Variants in GRIA4 observed in about 807,000 individuals in gnomAD.
GRIA4 encodes glutamate receptor 4.
Under a neutral mutation model 104.0 loss-of-function variants are expected in GRIA4, and 34 were observed. That is an observed-to-expected ratio of 0.33 (90% CI 0.25 to 0.44). GRIA4 has a LOEUF of 0.44. Among genes scored for constraint, GRIA4 ranks in the 20% least tolerant of loss-of-function variants. GRIA4 has a pLI of 1.00. For missense variants in GRIA4, 750 were observed against 1,096.5 expected, an observed-to-expected ratio of 0.68 and a Z score of 4.46; for synonymous variants, 386 against 381.9, an observed-to-expected ratio of 1.01 and a Z score of -0.13.
intron 10 of GRIA4, among the ~76,000 whole-genome samples, chr11:105,915,375 C>T (rs1947370367): frequency 2.0e-5 from 3 of 152,062 alleles, no homozygotes; most frequent in South Asian, 4.2e-4. Flanking sequence ...CCTGATGGAC[C>T]CCTGCTGTCC....
intron 3 of GRIA4, among the ~76,000 whole-genome samples, chr11:105,670,800 C>T (rs1014040340): frequency 6.6e-6 from 1 of 152,138 alleles, no homozygotes; most frequent in African/African-American, 2.4e-5. Flanking sequence ...CAAATTACCA[C>T]AAATGTAGTG....
At chr11:105,714,642 AG>A (rs1479087599) in intron 3 of GRIA4, among the ~76,000 whole-genome samples, 1 of 152,168 alleles carries the variant, frequency 6.6e-6, no homozygotes, top group African/African-American at 2.4e-5. Context: ...TATATTATTC[AG>A]ATTCACCAAG....
chr11:105,801,217 G>A (rs1942706709), intron 4 of GRIA4, among the ~76,000 whole-genome samples: 1 of 151,466 alleles, frequency 6.6e-6, no homozygotes, highest in African/African-American at 2.4e-5. Flanking sequence ...TCTACCTGTT[G>A]AAATATTTAA....
intron 3 of GRIA4, among the ~76,000 whole-genome samples, chr11:105,708,283 A>G (rs1464532463): frequency 1.3e-5 from 2 of 152,146 alleles, no homozygotes; most frequent in African/African-American, 4.8e-5. Flanking sequence ...AACAAATACC[A>G]GAAACAAATG....
intron 3 of GRIA4, among the ~76,000 whole-genome samples, chr11:105,688,411 A>G (rs1046040024): frequency 6.6e-6 from 1 of 151,806 alleles, no homozygotes; most frequent in African/African-American, 2.4e-5. Flanking sequence ...TACAGCAAAA[A>G]TTAGCCGGGC....
At chr11:105,793,643 G>A (rs1024238301) in intron 4 of GRIA4, among the ~76,000 whole-genome samples, 1 of 152,142 alleles carries the variant, frequency 6.6e-6, no homozygotes, top group African/African-American at 2.4e-5. Context: ...GATTCAGCGG[G>A]TGCAACAAAG....
chr11:105,893,068 T>G (rs1946511813), intron 6 of GRIA4, among the ~76,000 whole-genome samples: 2 of 152,054 alleles, frequency 1.3e-5, no homozygotes, highest in Non-Finnish European at 2.9e-5. Flanking sequence ...CAAATAGAAA[T>G]TAAAGAAAAA....
intron 3 of GRIA4, among the ~76,000 whole-genome samples, chr11:105,736,146 TTTAATCCC>T (rs1375990981): frequency 1.3e-5 from 2 of 152,156 alleles, no homozygotes; most frequent in African/African-American, 4.8e-5. Flanking sequence ...ACACTGGGCC[TTTAATCCC>T]TCTTGGCAAC....
chr11:105,732,697 T>C (rs891935270), intron 3 of GRIA4, among the ~76,000 whole-genome samples: 14 of 152,254 alleles, frequency 9.2e-5, no homozygotes, highest in Non-Finnish European at 2.1e-4. Flanking sequence ...TCACAAAGCA[T>C]GGCAAAGAAA....
intron 3 of GRIA4, among the ~76,000 whole-genome samples, chr11:105,674,924 C>A (rs1341035309): frequency 2.0e-5 from 3 of 151,786 alleles, no homozygotes; most frequent in African/African-American, 7.3e-5. Flanking sequence ...AAATATTAAC[C>A]CTCTCTTCTT....
chr11:105,809,165 T>C (rs1470764577), intron 4 of GRIA4, among the ~76,000 whole-genome samples: 1 of 152,056 alleles, frequency 6.6e-6, no homozygotes, highest in Non-Finnish European at 1.5e-5. Flanking sequence ...AATTTTAAAA[T>C]AAAAAAATTT....
intron 3 of GRIA4, among the ~76,000 whole-genome samples, chr11:105,645,263 G>C (rs1433609361): frequency 6.6e-6 from 1 of 152,200 alleles, no homozygotes; most frequent in African/African-American, 2.4e-5. Context: ...TCTTGCTAGA[G>C]TGAGCTACTT....
At chr11:105,978,395 TAA>T (rs1859100956) in intron 16 of GRIA4, among the ~76,000 whole-genome samples, 2 of 152,076 alleles carry the variant, frequency 1.3e-5, no homozygotes, top group African/African-American at 2.4e-5. Context: ...TATTAATTTT[TAA>T]GACTGTTTAC....
chr11:105,942,346 G>A (rs1948203173), intron 14 of GRIA4, among the ~76,000 whole-genome samples: 2 of 151,940 alleles, frequency 1.3e-5, no homozygotes, highest in African/African-American at 4.8e-5. Context: ...TTTCCAAATT[G>A]TCCACTTTTA....
intron 1 of GRIA4, 105 bp from the exon 2 acceptor site, chr11:105,610,803 G>A (rs1469566134): frequency 3.6e-6 from 2 of 549,736 alleles, no homozygotes; most frequent in East Asian, 3.0e-5. Flanking sequence ...GGATTGCTAA[G>A]GAGAACTAGT....
chr11:105,922,104 T>C (rs186065402), intron 11 of GRIA4, among the ~76,000 whole-genome samples: 3 of 152,246 alleles, frequency 2.0e-5, no homozygotes, highest in Admixed American at 2.0e-4. Context: ...AAAGTGAATA[T>C]TTTAAATACA....
chr11:105,758,347 C>A (rs1331017520), intron 4 of GRIA4, among the ~76,000 whole-genome samples: 4 of 151,970 alleles, frequency 2.6e-5, no homozygotes, highest in African/African-American at 9.7e-5. Flanking sequence ...AGAACATGTT[C>A]CTTAAAAATC....
chr11:105,933,073 T>TA (rs34075858), intron 13 of GRIA4, among the ~76,000 whole-genome samples: 5 of 148,948 alleles, frequency 3.4e-5, no homozygotes, highest in East Asian at 2.0e-4. Context: ...ATCCCATCTT[T>TA]AAAAAAATTT....
intron 3 of GRIA4, among the ~76,000 whole-genome samples, chr11:105,735,067 C>A (rs1241125565): frequency 1.3e-5 from 2 of 151,976 alleles, no homozygotes; most frequent in Non-Finnish European, 2.9e-5. Context: ...GTTCTCAGCC[C>A]CCAACAGAGT....
Sources: allele counts gnomAD v4.1 joint callset (sites outside exome capture counted in the v4.1 genomes callset), GRCh38; gene constraint gnomAD v4.1.1; transcripts MANE v1.5; gene names NCBI Gene and HGNC (gene_info 2026-07-23, HGNC 2026-07-21).